Variants in CTNND2 observed in about 807,000 individuals in gnomAD.
CTNND2 encodes the protein catenin delta-2.
In CTNND2, 22 loss-of-function variants were observed where a neutral mutation model predicts 144.4. That is an observed-to-expected ratio of 0.15 (90% confidence interval 0.11 to 0.22). The LOEUF is 0.22. Ranked by LOEUF, CTNND2 falls within the 10% of genes least tolerant of loss-of-function variation. The probability of loss-of-function intolerance (pLI) is 1.00; values close to 1 mark genes in which losing one functional copy is unlikely to be tolerated. For synonymous variants in CTNND2, 751 were observed against 695.6 expected, an observed-to-expected ratio of 1.08 and a Z score of -1.25; for missense variants, 1,353 against 1,618.8, an observed-to-expected ratio of 0.84 and a Z score of 2.82.
chr5:11,726,093 C>CT (rs893914091), intron 2 of CTNND2, among the ~76,000 whole-genome samples: 18 of 151,218 alleles, frequency 1.2e-4, no homozygotes, highest in Admixed American at 6.6e-4. Flanking sequence ...AGTCTTGAAT[C>CT]TTTTTTTTTC....
Position 11,274,120 on chromosome 5 carries a change from G to A in CTNND2, c.1629-37297C>T, listed in dbSNP as rs116054252. ...AAAACCTTAAACAACAGTCCACGCCGCCAACATTCATCACTTGTTCTCATT... is the reference window on the plus strand; with the variant it reads ...AAAACCTTAAACAACAGTCCACGCCACCAACATTCATCACTTGTTCTCATT... On this transcript the variant is annotated intron_variant, in intron 9 of 21. Coordinates refer to ENST00000304623, the MANE Select transcript of CTNND2 (RefSeq NM_001332.4). Among the ~76,000 whole-genome samples the A allele has an allele frequency of 2.5e-3, 379 of 152,178 alleles. 1 individual carries two copies. Among genetic ancestry groups the A allele is most frequent in the African/African-American group, 8.6e-3 (359 of 41,522 alleles).
intron 1 of CTNND2, among the ~76,000 whole-genome samples, chr5:11,891,651 G>A (rs1413886830): frequency 6.6e-6 from 1 of 152,224 alleles, no homozygotes. Flanking sequence ...AGAGCAGGAA[G>A]GCGGCCATCT....
chr5:11,802,266 T>C (rs1791730381), intron 1 of CTNND2, among the ~76,000 whole-genome samples: 2 of 146,094 alleles, frequency 1.4e-5, no homozygotes, highest in Non-Finnish European at 3.0e-5. Flanking sequence ...AGCAAGACTC[T>C]GTCTTAAAAA....
At chr5:11,382,797 C>T (rs1581071135) in intron 7 of CTNND2, among the ~76,000 whole-genome samples, 2 of 152,172 alleles carry the variant, frequency 1.3e-5, no homozygotes, top group African/African-American at 4.8e-5. Context: ...AACCAAGTAG[C>T]TCCCAACTTC....
chr5:11,438,518 C>T (rs915164230), intron 3 of CTNND2, among the ~76,000 whole-genome samples: 1 of 152,160 alleles, frequency 6.6e-6, no homozygotes, highest in Non-Finnish European at 1.5e-5. Flanking sequence ...CAGAGTCACA[C>T]TTGATAAAGG....
intron 3 of CTNND2, among the ~76,000 whole-genome samples, chr5:11,490,043 T>C (rs1485859423): frequency 6.6e-6 from 1 of 152,188 alleles, no homozygotes; most frequent in African/African-American, 2.4e-5. Context: ...TTCATGCTGA[T>C]AGGTGGTGCA....
intron 1 of CTNND2, among the ~76,000 whole-genome samples, chr5:11,776,511 A>G (rs1472539558): frequency 6.6e-6 from 1 of 152,226 alleles, no homozygotes; most frequent in Non-Finnish European, 1.5e-5. Flanking sequence ...ATTTGAATAG[A>G]TACTATTTTG....
intron 2 of CTNND2, among the ~76,000 whole-genome samples, chr5:11,713,687 G>A (rs1351452685): frequency 6.6e-6 from 1 of 151,450 alleles, no homozygotes; most frequent in Non-Finnish European, 1.5e-5. Flanking sequence ...GCAACAACCT[G>A]GATATCATTA....
At position 10,973,746 on chromosome 5, in the gene CTNND2, T is replaced by C. The variant is rs749394646; in HGVS notation, c.3418-33A>G. Reference sequence around the variant, plus strand: ...GGAAAGAAGAGCCACACTGGGTTACTTGGTTTCCCTTGACTCAGCCTGCCT... The same window carrying C: ...GGAAAGAAGAGCCACACTGGGTTACCTGGTTTCCCTTGACTCAGCCTGCCT... On this transcript the variant is annotated intron_variant, in intron 21 of 21. Transcript: ENST00000304623. The surrounding 1 kb of genome is among the most constrained non-coding windows in gnomAD (Gnocchi z 5.6). 6.4e-7 allele frequency: 1 copy of C among 1,551,934 alleles called. No individual in the cohort carries two copies. The highest frequency in any genetic ancestry group is 1.9e-5 in the Admixed American group (1 of 52,596).
At chr5:11,268,601 TAC>T (rs1394833792) in intron 9 of CTNND2, among the ~76,000 whole-genome samples, 1 of 152,034 alleles carries the variant, frequency 6.6e-6, no homozygotes, top group Non-Finnish European at 1.5e-5. Flanking sequence ...AAGACTCTGA[TAC>T]ACACAAAAGA....
chr5:11,622,074 C>T (rs1780873437), intron 2 of CTNND2, among the ~76,000 whole-genome samples: 2 of 152,090 alleles, frequency 1.3e-5, no homozygotes, highest in African/African-American at 4.8e-5. Context: ...GGACCTGATA[C>T]CAGGTTTATC....
intron 16 of CTNND2, among the ~76,000 whole-genome samples, chr5:11,066,167 G>A (rs964050559): frequency 4.6e-5 from 7 of 151,744 alleles, no homozygotes. Context: ...AGCCTCCCAA[G>A]TAGCTGGGAC....
At chr5:11,690,174 C>A in intron 2 of CTNND2, among the ~76,000 whole-genome samples, 1 of 152,142 alleles carries the variant, frequency 6.6e-6, no homozygotes, top group East Asian at 1.9e-4. Flanking sequence ...AAAATCAGTG[C>A]CAGGAATGTG....
intron 10 of CTNND2, among the ~76,000 whole-genome samples, chr5:11,227,805 T>A (rs1740519806): frequency 6.6e-6 from 1 of 152,200 alleles, no homozygotes; most frequent in South Asian, 2.1e-4. Flanking sequence ...ATAAGTATAT[T>A]GCAACTATCT....
intron 2 of CTNND2, among the ~76,000 whole-genome samples, chr5:11,643,313 C>T (rs1782166286): frequency 6.6e-6 from 1 of 150,832 alleles, no homozygotes; most frequent in East Asian, 2.0e-4. Flanking sequence ...TATACATGTG[C>T]CATGTTGGTG....
In CTNND2 at chr5:11,546,663, A is replaced by G. The variant is rs111778763; in HGVS notation, c.287+18281T>C. Among the ~76,000 whole-genome samples, 624 of 152,306 alleles carry G rather than the reference A, an allele frequency of 4.1e-3. 3 individuals carry two copies. The highest frequency in any genetic ancestry group is 0.014 in the African/African-American group (589 of 41,558). ...AAACTCTGTGGAGCCTAGCAATGAG[A>G]ATGAAACAACGAACAACACAAAACC... On this transcript the variant is annotated intron_variant, in intron 3 of 21. Transcript: ENST00000304623.
At chr5:11,877,755 A>T (rs527542644) in intron 1 of CTNND2, among the ~76,000 whole-genome samples, 96 of 152,144 alleles carry the variant, frequency 6.3e-4, no homozygotes, top group African/African-American at 2.2e-3. Flanking sequence ...TATTCTACCA[A>T]GAGGTATCAT....
intron 16 of CTNND2, among the ~76,000 whole-genome samples, chr5:11,041,131 T>A (rs574963139): frequency 6.6e-6 from 1 of 152,220 alleles, no homozygotes; most frequent in Non-Finnish European, 1.5e-5. Flanking sequence ...TGATTAATTA[T>A]ATAATCACAT....
intron 2 of CTNND2, among the ~76,000 whole-genome samples, chr5:11,673,005 G>C (rs78970382): frequency 0.013 from 2,034 of 152,226 alleles, 20 homozygotes; most frequent in East Asian, 0.057. Context: ...CCCACCTTTT[G>C]CATCGATCTT....
Sources: gnomAD v4.1 joint callset for allele counts (sites outside exome capture counted in the v4.1 genomes callset) on GRCh38, gnomAD v4.1.1 for gene constraint, Gnocchi (gnomAD v3.1) non-coding constraint, MANE v1.5 for transcripts, NCBI Gene and HGNC (gene_info 2026-07-23, HGNC 2026-07-21) for gene names.